Variants in SLC22A9 observed in about 807,000 individuals in gnomAD.
SLC22A9 encodes organic anion transporter 7.
A neutral mutation model predicts 50.1 loss-of-function variants in SLC22A9; 64 were observed. That is an observed-to-expected ratio of 1.28 (90% CI 1.04 to 1.57). The LOEUF (loss-of-function observed/expected upper bound fraction) is 1.57, where lower values mean the gene tolerates loss of function less well. Among genes scored for constraint, SLC22A9 ranks in the 40% most tolerant of loss-of-function variants. SLC22A9 has a pLI of 0.00. For synonymous variants in SLC22A9, 261 were observed against 242.5 expected (o/e 1.08, Z -0.71); for missense variants, 757 against 676.1 (o/e 1.12, Z -1.33).
At chr11:63,409,522 T>G (rs1215101906) in intron 9 of SLC22A9, among the ~76,000 whole-genome samples, 1 of 152,086 alleles carries the variant, frequency 6.6e-6, no homozygotes, top group Non-Finnish European at 1.5e-5. Flanking sequence ...AAAGCCATCC[T>G]GGGCCACAGG....
intron 1 of SLC22A9, 137 bp downstream of exon 1, chr11:63,370,595 T>C: frequency 9.8e-7 from 1 of 1,024,370 alleles, no homozygotes; most frequent in Non-Finnish European, 1.4e-6. Context: ...ATTGCTTCTT[T>C]ATTAAATGTC....
intron 6 of SLC22A9, among the ~76,000 whole-genome samples, chr11:63,394,947 T>A (rs1001436644): frequency 6.6e-6 from 1 of 152,016 alleles, no homozygotes; most frequent in Non-Finnish European, 1.5e-5. Flanking sequence ...ATTTATTTAT[T>A]TTTTTGTCTT....
intron 6 of SLC22A9, among the ~76,000 whole-genome samples, chr11:63,403,032 A>G (rs2014976357): frequency 6.6e-6 from 1 of 152,154 alleles, no homozygotes; most frequent in African/African-American, 2.4e-5. Flanking sequence ...ATTGTTATAA[A>G]AAGTCAATGA....
intron 6 of SLC22A9, among the ~76,000 whole-genome samples, chr11:63,389,150 A>C (rs2014718188): frequency 6.6e-6 from 1 of 151,628 alleles, no homozygotes; most frequent in Admixed American, 6.6e-5. Context: ...TATTTATTTT[A>C]TTTTAATTTA....
chr11:63,382,765 T>C (rs562685746), intron 6 of SLC22A9, among the ~76,000 whole-genome samples: 1 of 152,128 alleles, frequency 6.6e-6, no homozygotes, highest in African/African-American at 2.4e-5. Context: ...CACAGAAACA[T>C]TGATTTAACA....
At chr11:63,380,203 C>T (rs1036939580) in intron 5 of SLC22A9, among the ~76,000 whole-genome samples, 16 of 152,112 alleles carry the variant, frequency 1.1e-4, no homozygotes, top group African/African-American at 3.6e-4. Flanking sequence ...GCTGGTGAGA[C>T]TGCAGAAAAA....
intron 4 of SLC22A9, 118 bp downstream of exon 4, chr11:63,374,180 A>T: frequency 1.0e-6 from 1 of 962,496 alleles, no homozygotes; most frequent in East Asian, 2.8e-5. Flanking sequence ...GTCCTCTCAT[A>T]ATCTGTGCTT....
At chr11:63,381,792 T>C (rs1462479056) in intron 5 of SLC22A9, among the ~76,000 whole-genome samples, 1 of 152,140 alleles carries the variant, frequency 6.6e-6, no homozygotes, top group African/African-American at 2.4e-5. Context: ...TCCACGTCCT[T>C]TGGGGACCAT....
chr11:63,409,890 A>G lies in SLC22A9; in HGVS notation c.*28A>G, dbSNP rs1371330130. 2.2e-5 allele frequency: 36 copies of G among 1,610,768 alleles called. No individual in the cohort carries two copies. The highest frequency in any genetic ancestry group is 2.8e-5 in the Non-Finnish European group (33 of 1,177,466). On this transcript the variant is annotated 3_prime_UTR_variant, in exon 10 of 10. Transcript: ENST00000279178. The stretch of plus-strand genomic sequence containing the variant: ...AATTCCAGGAGCTGACTGCCGATCA[A>G]TGAGCCAGATGAAGGGAACAATCAG...
chr11:63,406,535 A>G lies in SLC22A9; in HGVS notation c.1112A>G (p.His371Arg), dbSNP rs753043160. Residue 371 changes from histidine (H) to arginine (R), a missense_variant, in exon 7 of 10, where the codon CAT becomes CGT. Transcript: ENST00000279178. The part of the protein sequence containing the change: ...NFMAYFGLNL[H>R]VQHLGNNVFL... ...ATGGCCTATTTTGGCCTTAATCTCC[A>G]TGTCCAGCATCTGGGGAACAATGTT... The G allele has an allele frequency of 1.9e-6, 3 of 1,613,732 alleles. No homozygotes were observed. The Admixed American group carries it at 5.0e-5, about 27-fold the overall frequency.
intron 2 of SLC22A9, among the ~76,000 whole-genome samples, chr11:63,371,605 CTG>C (rs2014361081): frequency 6.6e-6 from 1 of 152,190 alleles, no homozygotes; most frequent in African/African-American, 2.4e-5. Flanking sequence ...TACCTGGACA[CTG>C]TGAGCTGATA....
intron 1 of SLC22A9, 28 bp from the exon 2 acceptor site, chr11:63,371,107 T>C (rs556002858): frequency 6.5e-7 from 1 of 1,538,886 alleles, no homozygotes; most frequent in Non-Finnish European, 9.0e-7. Context: ...GTAATAAGCA[T>C]TGATGTGCTG....
At position 63,382,242 on chromosome 11, in the gene SLC22A9, C is replaced by T. The variant is rs746447771; in HGVS notation, c.1038C>T (p.Asn346=). The part of the protein sequence containing the change: ...PSLCEMLHMP[N]ICKRISLLSF... ...TGTGTGAAATGCTCCACATGCCCAA[C>T]ATATGTAAAAGGATCTCCCTCCTGT... is the stretch of plus-strand genomic sequence containing the variant. Residue 346 remains asparagine, a synonymous_variant, in exon 6 of 10, where the codon AAC becomes AAT. Transcript: ENST00000279178. 3.9e-5 allele frequency: 62 copies of T among 1,609,396 alleles called. No individual in the cohort carries two copies. The Admixed American group carries it at 9.3e-4, about 24-fold the overall frequency.
chr11:63,373,852 C>T, intron 3 of SLC22A9, 42 bp from the exon 4 acceptor site: 3 of 1,605,842 alleles, frequency 1.9e-6, no homozygotes, highest in Non-Finnish European at 2.6e-6. Flanking sequence ...GAAATTGAAA[C>T]TCCACCTTTG....
At chr11:63,385,307 C>T (rs1307538332) in intron 6 of SLC22A9, among the ~76,000 whole-genome samples, 1 of 151,694 alleles carries the variant, frequency 6.6e-6, no homozygotes, top group African/African-American at 2.4e-5. Flanking sequence ...AATTTTAAAA[C>T]AGATTTTTCT....
chr11:63,385,062 A>AT (rs1421824576), intron 6 of SLC22A9, among the ~76,000 whole-genome samples: 6 of 76,546 alleles, frequency 7.8e-5, no homozygotes, highest in African/African-American at 5.9e-5. Context: ...AGGATGCAAA[A>AT]ATTTTTCCCA....
In SLC22A9 at chr11:63,373,957, G is replaced by T. The variant is rs1386117549; in HGVS notation, c.725G>T (p.Gly242Val). 5.6e-6 allele frequency: 9 copies of T among 1,613,586 alleles called. No individual in the cohort carries two copies. Among genetic ancestry groups the T allele is most frequent in the African/African-American group, 2.7e-5 (2 of 75,002 alleles). ...ATTACATTGGGAATGTGCCCTTCTG[G>T]TATTGCATTTATGACCCTGGCAGGC... ...MGITLGMCPS[G>V]IAFMTLAGLA... Residue 242 changes from glycine (G) to valine (V), a missense_variant, in exon 4 of 10, where the codon GGT becomes GTT. Gly to Val is a moderately radical substitution (Grantham distance 109). Transcript: ENST00000279178.
At chr11:63,388,206 T>C (rs1186008135) in intron 6 of SLC22A9, among the ~76,000 whole-genome samples, 3 of 152,170 alleles carry the variant, frequency 2.0e-5, no homozygotes, top group South Asian at 2.1e-4. Context: ...AAGGGCTATG[T>C]TGAATAACAG....
Position 63,407,996 on chromosome 11 carries a change from T to C in SLC22A9, c.1289-116T>C. 8.3e-6 allele frequency: 6 copies of C among 723,810 alleles called. No individual in the cohort carries two copies. The Middle Eastern group carries it at 1.2e-3, about 142-fold the overall frequency. 44.8% of individuals were successfully genotyped at this position (723,810 alleles called of 1,614,324 possible). A position where few individuals can be genotyped will look rare whatever the true frequency, so the allele number is the denominator to read the frequency against. On this transcript the variant is annotated intron_variant, in intron 7 of 9. Coordinates refer to ENST00000279178, the MANE Select transcript of SLC22A9 (RefSeq NM_080866.3). ...ATTCTTTGCCTCTATGCAGTTTCCC[T>C]ACAGTACATTTAACCCTTGCAAACA... is the stretch of plus-strand genomic sequence containing the variant.
Sources: allele counts gnomAD v4.1 joint callset (sites outside exome capture counted in the v4.1 genomes callset), GRCh38; gene constraint gnomAD v4.1.1; transcripts MANE v1.5; gene names NCBI Gene and HGNC (gene_info 2026-07-23, HGNC 2026-07-21).